The following TNIK variants were observed in gnomAD, a reference collection of about 807,000 sequenced individuals.
TNIK encodes the protein TRAF2 and NCK interacting kinase.
TNIK carries 49 observed loss-of-function variants against 191.3 expected under a neutral mutation model. That is an observed-to-expected ratio of 0.26 (90% CI 0.20 to 0.32). The LOEUF (loss-of-function observed/expected upper bound fraction) is 0.32, where lower values mean the gene tolerates loss of function less well. Ranked by LOEUF, TNIK falls within the 10% of genes least tolerant of loss-of-function variation. The pLI, the probability that TNIK is intolerant of heterozygous loss-of-function variation, is 1.00. For synonymous variants in TNIK, 594 were observed against 600.9 expected (o/e 0.99, Z 0.17); for missense variants, 1,155 against 1,702.3 (o/e 0.68, Z 5.66).
intron 12 of TNIK, among the ~76,000 whole-genome samples, chr3:171,156,498 G>T (rs958707804): frequency 6.6e-6 from 1 of 152,218 alleles, no homozygotes; most frequent in Non-Finnish European, 1.5e-5. Flanking sequence ...CCATTACCGT[G>T]CAGTTAGTGC....
At chr3:171,312,096 T>G (rs1252568699) in intron 2 of TNIK, among the ~76,000 whole-genome samples, 1 of 107,578 alleles carries the variant, frequency 9.3e-6, no homozygotes, top group Non-Finnish European at 1.7e-5. Flanking sequence ...CAGCTGTCCC[T>G]AACGGCAGCT....
At chr3:171,363,182 C>G (rs1407730570) in intron 2 of TNIK, among the ~76,000 whole-genome samples, 3 of 152,138 alleles carry the variant, frequency 2.0e-5, no homozygotes, top group Non-Finnish European at 4.4e-5. Flanking sequence ...ACAGCCCCCA[C>G]AACAAAGAAT....
intron 2 of TNIK, among the ~76,000 whole-genome samples, chr3:171,319,644 T>C (rs549908584): frequency 3.0e-4 from 45 of 152,288 alleles, no homozygotes; most frequent in African/African-American, 1.0e-3. Flanking sequence ...AGCAATAAAA[T>C]GGATTTATGA....
rs575442168 is a variant in TNIK, at chr3:171,159,049, C to T, written c.1017-1385G>A. Among the ~76,000 whole-genome samples, 5 of 151,960 alleles carry T rather than the reference C, an allele frequency of 3.3e-5. No homozygotes were observed. Among genetic ancestry groups the T allele is most frequent in the Admixed American group, 6.5e-5 (1 of 15,270 alleles). On this transcript the variant is annotated intron_variant, in intron 11 of 32. Transcript: ENST00000436636. This position sits in a 1 kb window ranked among gnomAD's most constrained non-coding sequence, Gnocchi z 4.1. ...CGGGGCCGCGACAGCCATGCAGGCA[C>T]GGGAAGGTTTTATGCAGAAGAGCAA...
intron 1 of TNIK, among the ~76,000 whole-genome samples, chr3:171,414,609 A>T (rs1402934244): frequency 6.6e-6 from 1 of 152,216 alleles, no homozygotes; most frequent in Non-Finnish European, 1.5e-5. Context: ...AGAAGGTTCA[A>T]GAGCTTTCCC....
intron 10 of TNIK, among the ~76,000 whole-genome samples, chr3:171,162,756 A>C (rs1734169125): frequency 6.6e-6 from 1 of 152,254 alleles, no homozygotes; most frequent in Non-Finnish European, 1.5e-5. Flanking sequence ...CTGAAATTAC[A>C]AGAGGTTAAG....
At chr3:171,193,739 A>G (rs1738333576) in intron 5 of TNIK, among the ~76,000 whole-genome samples, 1 of 152,232 alleles carries the variant, frequency 6.6e-6, no homozygotes, top group Non-Finnish European at 1.5e-5. Flanking sequence ...AAGAAGGCAG[A>G]GCTTATAAAT....
At chr3:171,432,710 C>T (rs1001282448) in intron 1 of TNIK, among the ~76,000 whole-genome samples, 2 of 152,122 alleles carry the variant, frequency 1.3e-5, no homozygotes, top group African/African-American at 4.8e-5. Context: ...GCAAAAGAAA[C>T]ATTTTAAGCA....
At chr3:171,255,238 AT>A (rs1746708029) in intron 2 of TNIK, among the ~76,000 whole-genome samples, 1 of 152,212 alleles carries the variant, frequency 6.6e-6, no homozygotes. Context: ...CAGAGAAACT[AT>A]TAATCATTAC....
At chr3:171,312,766 T>C (rs996806095) in intron 2 of TNIK, among the ~76,000 whole-genome samples, 1 of 152,212 alleles carries the variant, frequency 6.6e-6, no homozygotes, top group African/African-American at 2.4e-5. Flanking sequence ...TATTCATTCA[T>C]GGCCTTACCT....
Position 171,157,610 on chromosome 3 carries a change from C to A in TNIK, c.1071G>T (p.Leu357=), listed in dbSNP as rs1190698359. ...ESTLRRDFLR[L]QLANKERSEA... ...CAGAACGCTCCTTGTTGGCCAGCTG[C>A]AGCCTCAGAAAGTCCCTCCGCAGCG... The change falls in exon 12 of 33, where the codon CTG becomes CTT. Residue 357 remains leucine, a synonymous_variant. Coordinates refer to ENST00000436636, the MANE Select transcript of TNIK (RefSeq NM_015028.4). 2 of 1,556,984 alleles carry A rather than the reference C, an allele frequency of 1.3e-6. No individual in the cohort carries two copies. Among genetic ancestry groups the A allele is most frequent in the Admixed American group, 3.9e-5 (2 of 51,572 alleles).
intron 2 of TNIK, among the ~76,000 whole-genome samples, chr3:171,256,023 T>C (rs1577265414): frequency 1.3e-5 from 2 of 152,094 alleles, no homozygotes; most frequent in East Asian, 3.9e-4. Flanking sequence ...GAATAAAGTA[T>C]TCTGAGCAGC....
intron 2 of TNIK, among the ~76,000 whole-genome samples, chr3:171,233,639 T>G (rs1743935319): frequency 6.6e-6 from 1 of 152,132 alleles, no homozygotes. Flanking sequence ...CCACTTGGAT[T>G]AGGATGGAAA....
Position 171,218,090 on chromosome 3 carries a change from T to A in TNIK, c.181-6849A>T, listed in dbSNP as rs144642839. On this transcript the variant is annotated intron_variant, in intron 3 of 32. Coordinates refer to ENST00000436636, the MANE Select transcript of TNIK (RefSeq NM_015028.4). ...ATAAATAATGATTAATATATTTACA[T>A]CTCACACTAACTTTGTGAGAGAAGT... 1.1e-3 allele frequency among the ~76,000 whole-genome samples: 164 copies of A among 152,292 alleles called. 2 individuals carry two copies. The highest frequency in any genetic ancestry group is 3.6e-3 in the African/African-American group (151 of 41,560).
chr3:171,294,468 C>T (rs1228768639), intron 2 of TNIK, among the ~76,000 whole-genome samples: 1 of 152,026 alleles, frequency 6.6e-6, no homozygotes, highest in African/African-American at 2.4e-5. Flanking sequence ...CACCTGTAAT[C>T]CCAGCACTTT....
chr3:171,328,245 A>T (rs1756035474), intron 2 of TNIK, among the ~76,000 whole-genome samples: 1 of 152,212 alleles, frequency 6.6e-6, no homozygotes, highest in Admixed American at 6.5e-5. Flanking sequence ...TCTATGAACC[A>T]GGAGGCAGAC....
intron 27 of TNIK, among the ~76,000 whole-genome samples, chr3:171,080,174 A>G (rs541294930): frequency 1.3e-5 from 2 of 152,346 alleles, no homozygotes; most frequent in Non-Finnish European, 2.9e-5. Flanking sequence ...ATAGGAAAAA[A>G]AGGATGCAAA....
intron 15 of TNIK, among the ~76,000 whole-genome samples, chr3:171,130,351 TC>T (rs1396807222): frequency 6.6e-6 from 1 of 152,146 alleles, no homozygotes; most frequent in Non-Finnish European, 1.5e-5. Flanking sequence ...GAACATCTCT[TC>T]CCCCACCATG....
Position 171,102,838 on chromosome 3 carries a change from A to G in TNIK, c.2407-1205T>C, listed in dbSNP as rs368309618. On this transcript the variant is annotated intron_variant, in intron 21 of 32. Coordinates refer to ENST00000436636, the MANE Select transcript of TNIK (RefSeq NM_015028.4). ...TGATGACATTGGGTAATCCATCCTA[A>G]TCGGTTAAAAGAAAAGCTGTGATAA... Among the ~76,000 whole-genome samples, 9 of 152,290 alleles carry G rather than the reference A, an allele frequency of 5.9e-5. No individual in the cohort carries two copies. In the East Asian group the frequency reaches 9.6e-4, roughly 16 times the overall value.
Sources: gnomAD v4.1 joint callset for allele counts (sites outside exome capture counted in the v4.1 genomes callset) on GRCh38, gnomAD v4.1.1 for gene constraint, Gnocchi (gnomAD v3.1) non-coding constraint, MANE v1.5 for transcripts, NCBI Gene and HGNC (gene_info 2026-07-23, HGNC 2026-07-21) for gene names.